HECW1: variants seen among roughly 807,000 people sequenced by gnomAD.
HECW1 encodes E3 ubiquitin-protein ligase HECW1.
HECW1 carries 61 observed loss-of-function variants against 182.3 expected under a neutral mutation model. The ratio of observed to expected loss-of-function variants is 0.33; its 90% CI spans 0.27 to 0.41. The LOEUF is 0.41. Among genes scored for constraint, HECW1 ranks in the 10% least tolerant of loss-of-function variants. HECW1 has a pLI of 1.00. For synonymous variants in HECW1, 859 were observed against 832.6 expected, an observed-to-expected ratio of 1.03 and a Z score of -0.55; for missense variants, 1,739 against 2,108.9, an observed-to-expected ratio of 0.82 and a Z score of 3.44.
intron 7 of HECW1, among the ~76,000 whole-genome samples, chr7:43,404,635 A>T (rs182158599): frequency 4.6e-5 from 7 of 152,340 alleles, no homozygotes; most frequent in African/African-American, 1.4e-4. Flanking sequence ...AATTTAACCT[A>T]TGCCAAAGTT....
chr7:43,428,896 A>C (rs923693114), intron 8 of HECW1, among the ~76,000 whole-genome samples: 1 of 152,134 alleles, frequency 6.6e-6, no homozygotes, highest in African/African-American at 2.4e-5. Flanking sequence ...GGAGATATAC[A>C]TATGGATATA....
chr7:43,542,632 T>C (rs774293036), intron 26 of HECW1, among the ~76,000 whole-genome samples: 19 of 152,162 alleles, frequency 1.2e-4, no homozygotes, highest in Non-Finnish European at 2.6e-4. Context: ...CTATTGTGAA[T>C]CATGCTGCTA....
chr7:43,185,856 G>T lies in HECW1; in HGVS notation c.-31-58019G>T, dbSNP rs1412877037. Among the ~76,000 whole-genome samples, 6 of 152,116 alleles carry T rather than the reference G, an allele frequency of 3.9e-5. No individual in the cohort carries two copies. The East Asian group carries it at 7.7e-4, about 20-fold the overall frequency. ...AATTTTAAGTTATATAATTTAATTT[G>T]TAATAATGATTTCATGGTTTTATTT... On this transcript the variant is annotated intron_variant, in intron 2 of 29. Coordinates refer to ENST00000395891, the MANE Select transcript of HECW1 (RefSeq NM_015052.5).
chr7:43,165,873 T>A (rs1370740517), intron 2 of HECW1, among the ~76,000 whole-genome samples: 2 of 152,256 alleles, frequency 1.3e-5, no homozygotes, highest in Non-Finnish European at 2.9e-5. Flanking sequence ...TTGCATGTGT[T>A]GAGATTCTGA....
chr7:43,465,381 C>T (rs1017857666), intron 14 of HECW1, among the ~76,000 whole-genome samples: 5 of 152,172 alleles, frequency 3.3e-5, no homozygotes, highest in East Asian at 1.9e-4. Flanking sequence ...GCTGCGGAGT[C>T]GGCCACAGGC....
chr7:43,455,567 C>G (rs1360529011), intron 12 of HECW1, among the ~76,000 whole-genome samples: 2 of 152,160 alleles, frequency 1.3e-5, no homozygotes, highest in African/African-American at 4.8e-5. Context: ...TGGAGGATAC[C>G]CCAATCTTCC....
chr7:43,468,584 C>T (rs1161168821), intron 15 of HECW1, among the ~76,000 whole-genome samples: 2 of 151,962 alleles, frequency 1.3e-5, no homozygotes, highest in Non-Finnish European at 2.9e-5. Context: ...TGCAACGGCA[C>T]AATCATAGCT....
chr7:43,302,483 A>C (rs1182295493), intron 3 of HECW1, among the ~76,000 whole-genome samples: 1 of 152,242 alleles, frequency 6.6e-6, no homozygotes. Flanking sequence ...GTAGCCAAGC[A>C]GGTGGTGGTG....
intron 5 of HECW1, among the ~76,000 whole-genome samples, chr7:43,323,445 G>A (rs181933864): frequency 5.3e-5 from 8 of 151,992 alleles, no homozygotes; most frequent in East Asian, 2.0e-4. Context: ...AATTAGTCAC[G>A]TATGATGATG....
intron 7 of HECW1, among the ~76,000 whole-genome samples, chr7:43,400,669 G>A (rs1004462301): frequency 3.3e-5 from 5 of 152,178 alleles, no homozygotes; most frequent in Non-Finnish European, 7.3e-5. Flanking sequence ...GATGATAAGG[G>A]AGTTTTTTAA....
At chr7:43,436,566 G>A (rs1467277101) in intron 8 of HECW1, among the ~76,000 whole-genome samples, 1 of 152,120 alleles carries the variant, frequency 6.6e-6, no homozygotes, top group East Asian at 1.9e-4. Context: ...AGGGGTGGGG[G>A]TCACAAGGTG....
At position 43,314,117 on chromosome 7, in the gene HECW1, A is replaced by T. The variant is rs562955150; in HGVS notation, c.352+2030A>T. 1.4e-4 allele frequency among the ~76,000 whole-genome samples: 21 copies of T among 152,196 alleles called. No individual in the cohort carries two copies. The East Asian group carries it at 3.7e-3, about 27-fold the overall frequency. The stretch of plus-strand genomic sequence containing the variant: ...GCATGAGCCACCATGCCCAGCCCAG[A>T]TCTAGTTTTGAGTCAACTCAAGGGC... On this transcript the variant is annotated intron_variant, in intron 4 of 29. Coordinates refer to ENST00000395891, the MANE Select transcript of HECW1 (RefSeq NM_015052.5).
chr7:43,147,804 A>G (rs894392615), intron 2 of HECW1, among the ~76,000 whole-genome samples: 2 of 152,242 alleles, frequency 1.3e-5, no homozygotes, highest in South Asian at 2.1e-4. Flanking sequence ...TGCCAGAATG[A>G]TGTTTGGGTT....
At chr7:43,504,046 A>G (rs1450060597) in intron 21 of HECW1, among the ~76,000 whole-genome samples, 3 of 150,768 alleles carry the variant, frequency 2.0e-5, no homozygotes, top group Non-Finnish European at 4.4e-5. Context: ...TCACTCAGCC[A>G]TATCCCTCCC....
At chr7:43,244,392 T>C (rs1280643439) in intron 3 of HECW1, among the ~76,000 whole-genome samples, 2 of 152,188 alleles carry the variant, frequency 1.3e-5, no homozygotes, top group Admixed American at 6.5e-5. Context: ...GATGGGCTCT[T>C]GCAGCAGGGT....
chr7:43,213,858 AT>A (rs1184378345), intron 2 of HECW1, among the ~76,000 whole-genome samples: 1 of 152,152 alleles, frequency 6.6e-6, no homozygotes, highest in African/African-American at 2.4e-5. Context: ...TTAGGAAGAA[AT>A]TTTGTTGGGG....
chr7:43,273,400 T>C (rs1347507944), intron 3 of HECW1, among the ~76,000 whole-genome samples: 2 of 152,186 alleles, frequency 1.3e-5, no homozygotes, highest in East Asian at 3.8e-4. Flanking sequence ...TTAGTGGAAC[T>C]ATATAAATTG....
At chr7:43,540,125 G>A (rs4720449) in intron 24 of HECW1, among the ~76,000 whole-genome samples, 23,747 of 152,122 alleles carry the variant, frequency 0.16, 2,185 homozygotes, top group East Asian at 0.34. Context: ...TATTTATTCT[G>A]TGGAATCAGA....
intron 29 of HECW1, among the ~76,000 whole-genome samples, chr7:43,556,215 G>C (rs1011896207): frequency 6.6e-6 from 1 of 152,198 alleles, no homozygotes; most frequent in African/African-American, 2.4e-5. Context: ...GGAGGATTGG[G>C]AGGCAAGGAA....
Sources: gnomAD v4.1 joint callset for allele counts (sites outside exome capture counted in the v4.1 genomes callset) on GRCh38, gnomAD v4.1.1 for gene constraint, MANE v1.5 for transcripts, NCBI Gene and HGNC (gene_info 2026-07-23, HGNC 2026-07-21) for gene names.